MYO3B: variants seen among roughly 807,000 people sequenced by gnomAD.
The protein encoded by MYO3B is myosin IIIB, also known as myosin-IIIb.
Under a neutral mutation model 174.6 loss-of-function variants are expected in MYO3B, and 156 were observed. That is an observed-to-expected ratio of 0.89 (90% CI 0.78 to 1.02). The LOEUF is 1.02. MYO3B is among the 50% of genes least tolerant of loss of function. The pLI is 0.00. For synonymous variants in MYO3B, 563 were observed against 569.1 expected, an observed-to-expected ratio of 0.99 and a Z score of 0.15; for missense variants, 1,632 against 1,639.4, an observed-to-expected ratio of 1.00 and a Z score of 0.08.
rs1386655633 is a variant in MYO3B, at chr2:170,402,995, G to C, written c.2277G>C (p.Gln759His). The C allele has an allele frequency of 1.3e-6, 2 of 1,587,764 alleles. No homozygotes were observed. The highest frequency in any genetic ancestry group is 1.1e-5 in the South Asian group (1 of 88,124). The change falls in exon 19 of 35, where the codon CAG (glutamine) becomes CAC (histidine). Residue 759 changes from glutamine (Q) to histidine (H), a missense_variant and splice_region_variant. By Grantham distance (24) the Gln-to-His change is conservative. Transcript: ENST00000408978. ...ATCAGCATGTTTTTGCTCTTGAGCAGGTAATAGTGAACTCTGAGGTAACTA... is the reference window on the plus strand; with the variant it reads ...ATCAGCATGTTTTTGCTCTTGAGCACGTAATAGTGAACTCTGAGGTAACTA... ...YFNQHVFALE[Q>H]MEYQNEGIDA... is the part of the protein sequence containing the mutation.
At chr2:170,276,187 G>A (rs937711144) in intron 7 of MYO3B, among the ~76,000 whole-genome samples, 3 of 152,114 alleles carry the variant, frequency 2.0e-5, no homozygotes, top group African/African-American at 7.2e-5. Flanking sequence ...AAGTCAGGAG[G>A]GGGCAATGTG....
chr2:170,559,520 A>G (rs13411461), intron 32 of MYO3B, among the ~76,000 whole-genome samples: 19,248 of 152,146 alleles, frequency 0.13, 2,363 homozygotes, highest in African/African-American at 0.32. Flanking sequence ...CATTAGGTAG[A>G]GGTGTTTTGT....
intron 30 of MYO3B, among the ~76,000 whole-genome samples, chr2:170,529,927 G>A (rs1689251760): frequency 6.6e-6 from 1 of 152,072 alleles, no homozygotes; most frequent in Non-Finnish European, 1.5e-5. Context: ...AAACATAATG[G>A]TGTTTCAGTT....
intron 23 of MYO3B, among the ~76,000 whole-genome samples, chr2:170,447,709 G>C (rs186889551): frequency 6.6e-6 from 1 of 152,352 alleles, no homozygotes; most frequent in Non-Finnish European, 1.5e-5. Flanking sequence ...AATAGAGAAA[G>C]AGTAATTCAC....
chr2:170,270,817 T>C (rs950339187), intron 7 of MYO3B, among the ~76,000 whole-genome samples: 39 of 152,184 alleles, frequency 2.6e-4, no homozygotes, highest in African/African-American at 8.9e-4. Flanking sequence ...TGGCTAGCCA[T>C]TGCATGAACT....
chr2:170,488,693 GTCAATTAGAA>G (rs748850829), intron 25 of MYO3B, among the ~76,000 whole-genome samples: 2 of 152,182 alleles, frequency 1.3e-5, no homozygotes, highest in Non-Finnish European at 2.9e-5. Context: ...TGGGTAGGAA[GTCAATTAGAA>G]TCATTATCAG....
chr2:170,513,337 A>G (rs1302284336), intron 28 of MYO3B, among the ~76,000 whole-genome samples: 1 of 152,178 alleles, frequency 6.6e-6, no homozygotes, highest in Admixed American at 6.5e-5. Context: ...GGAGGTTCTG[A>G]GGGAGAGTCT....
intron 7 of MYO3B, among the ~76,000 whole-genome samples, chr2:170,310,921 C>G (rs1358433606): frequency 2.6e-5 from 4 of 152,046 alleles, no homozygotes; most frequent in African/African-American, 9.7e-5. Flanking sequence ...GTTAGACCCC[C>G]CACTTCCCAT....
intron 7 of MYO3B, among the ~76,000 whole-genome samples, chr2:170,327,601 C>G (rs1394125566): frequency 1.3e-5 from 2 of 152,068 alleles, no homozygotes; most frequent in Non-Finnish European, 2.9e-5. Flanking sequence ...CTAATGTTCT[C>G]CTTACACATC....
chr2:170,639,900 C>A (rs1173483712), intron 32 of MYO3B, among the ~76,000 whole-genome samples: 4 of 152,136 alleles, frequency 2.6e-5, no homozygotes, highest in African/African-American at 9.7e-5. Flanking sequence ...AAATAAGGAG[C>A]CCTTATGTCT....
intron 22 of MYO3B, among the ~76,000 whole-genome samples, chr2:170,410,385 G>C (rs1338349199): frequency 6.6e-6 from 1 of 151,964 alleles, no homozygotes; most frequent in East Asian, 1.9e-4. Context: ...TTCGAGACCA[G>C]CCTGGCCAAC....
chr2:170,548,987 G>A (rs933169228), intron 32 of MYO3B, among the ~76,000 whole-genome samples: 1 of 152,134 alleles, frequency 6.6e-6, no homozygotes, highest in African/African-American at 2.4e-5. Context: ...CTAAAAAACA[G>A]GTTTTAAGCA....
In MYO3B at chr2:170,558,727, G is replaced by A. The variant is rs181187373; in HGVS notation, c.3733+14739G>A. Among the ~76,000 whole-genome samples the A allele has an allele frequency of 2.0e-3, 306 of 152,312 alleles. 3 individuals carry two copies. The highest frequency in any genetic ancestry group is 6.7e-3 in the African/African-American group (279 of 41,576). On this transcript the variant is annotated intron_variant, in intron 32 of 34. Coordinates refer to ENST00000408978, the MANE Select transcript of MYO3B (RefSeq NM_138995.5). ...TCTAGTTTGGAACCCTTACAAAGAAGAGATGTTCATGGATGATGGTCCCAT... is the reference window on the plus strand; with the variant it reads ...TCTAGTTTGGAACCCTTACAAAGAAAAGATGTTCATGGATGATGGTCCCAT...
At chr2:170,400,806 T>C (rs1347296059) in intron 17 of MYO3B, among the ~76,000 whole-genome samples, 4 of 152,012 alleles carry the variant, frequency 2.6e-5, no homozygotes, top group Non-Finnish European at 4.4e-5. Flanking sequence ...AAAAGAATTC[T>C]ATGGCAGGTA....
intron 7 of MYO3B, among the ~76,000 whole-genome samples, chr2:170,254,025 A>G (rs1361926047): frequency 6.6e-6 from 1 of 152,142 alleles, no homozygotes; most frequent in Non-Finnish European, 1.5e-5. Context: ...CTGAAAGTTG[A>G]TAAGAGAGGT....
chr2:170,215,080 A>G lies in MYO3B; in HGVS notation c.526+252A>G, dbSNP rs1370446515. Among the ~76,000 whole-genome samples, 6 of 152,350 alleles carry G rather than the reference A, an allele frequency of 3.9e-5. No individual in the cohort carries two copies. In the East Asian group the frequency reaches 1.2e-3, roughly 29 times the overall value. On this transcript the variant is annotated intron_variant, in intron 5 of 34. Transcript: ENST00000408978. ...AAAAGTGTTTCAAAAGAAGAACTTG[A>G]TGGAAAAACTTTTCGGTTTTCTGCT... is the stretch of plus-strand genomic sequence containing the variant.
chr2:170,321,049 T>G (rs1394778602), intron 7 of MYO3B, among the ~76,000 whole-genome samples: 4 of 152,130 alleles, frequency 2.6e-5, no homozygotes, highest in Admixed American at 2.0e-4. Flanking sequence ...GATCATGCCT[T>G]TGAATAGCCA....
chr2:170,184,031 T>TC (rs397933805), intron 1 of MYO3B, among the ~76,000 whole-genome samples: 5 of 151,942 alleles, frequency 3.3e-5, no homozygotes, highest in African/African-American at 7.2e-5. Context: ...TGATTTTTTT[T>TC]CTGTGGTTTT....
At chr2:170,382,181 T>C (rs2094340891) in intron 10 of MYO3B, 69 bp downstream of exon 10, 2 of 1,268,708 alleles carry the variant, frequency 1.6e-6, no homozygotes, top group Non-Finnish European at 2.3e-6. Context: ...GAACTTTCTG[T>C]TGTAGACCAT....
Sources: gnomAD v4.1 joint callset for allele counts (sites outside exome capture counted in the v4.1 genomes callset) on GRCh38, gnomAD v4.1.1 for gene constraint, MANE v1.5 for transcripts, NCBI Gene and HGNC (gene_info 2026-07-23, HGNC 2026-07-21) for gene names.